GPR33: variants seen among roughly 807,000 people sequenced by gnomAD.
The protein encoded by GPR33 is probable G protein-coupled receptor 33.
Under a neutral mutation model 3.1 loss-of-function variants are expected in GPR33, and 4 were observed. The ratio of observed to expected loss-of-function variants is 1.29; its 90% CI spans 0.64 to 2.96. The LOEUF is 2.96. Ranked by LOEUF, GPR33 falls within the 30% of genes most tolerant of loss-of-function variation. GPR33 has a pLI of 0.01. For missense variants in GPR33, 390 were observed against 388.9 expected, an observed-to-expected ratio of 1.00 and a Z score of -0.02; for synonymous variants, 138 against 142.0, an observed-to-expected ratio of 0.97 and a Z score of 0.20.
rs958180564 is a variant in GPR33 at position 31,487,447 on chromosome 14, T to G, written c.-7+450A>C. Among the ~76,000 whole-genome samples the G allele has an allele frequency of 5.8e-5, 8 of 138,688 alleles. 1 individual carries two copies. The highest frequency in any genetic ancestry group is 4.3e-4 in the Admixed American group (6 of 13,908). 91.0% of individuals were successfully genotyped at this position (138,688 alleles called of 152,430 possible). On this transcript the variant is annotated intron_variant, in intron 1 of 1. Transcript: ENST00000399285. ...AAGCCCCTCAGTTTTTTTTTTTTTTTTTTTTTTTTTCAGATGGAGTCTTGC... is the reference window on the plus strand; with the variant it reads ...AAGCCCCTCAGTTTTTTTTTTTTTTGTTTTTTTTTTCAGATGGAGTCTTGC...
intron 1 of GPR33, among the ~76,000 whole-genome samples, chr14:31,485,805 C>A (rs2032413764): frequency 6.6e-6 from 1 of 152,108 alleles, no homozygotes; most frequent in Non-Finnish European, 1.5e-5. Flanking sequence ...TATATTACTT[C>A]TTTGAAACTC....
intron 1 of GPR33, among the ~76,000 whole-genome samples, chr14:31,487,462 T>TTTTTAC (rs2032433074): frequency 7.8e-6 from 1 of 128,034 alleles, no homozygotes; most frequent in East Asian, 2.2e-4. Flanking sequence ...TTTTTTCAGA[T>TTTTTAC]GGAGTCTTGC....
intron 1 of GPR33, among the ~76,000 whole-genome samples, chr14:31,486,125 G>T (rs895544430): frequency 9.2e-5 from 14 of 152,100 alleles, no homozygotes; most frequent in Admixed American, 6.5e-4. Flanking sequence ...TAGAGACAGG[G>T]TCTCTCTCTG....
chr14:31,486,883 T>A (rs1177215183), intron 1 of GPR33, among the ~76,000 whole-genome samples: 6 of 152,194 alleles, frequency 3.9e-5, no homozygotes, highest in African/African-American at 1.4e-4. Flanking sequence ...CTGTGGTGTT[T>A]TTATCCATGG....
In GPR33 at chr14:31,483,735, T is replaced by A. The variant is rs988980366; in HGVS notation, c.231A>T (p.Ser77=). Reference sequence around the variant, plus strand: ...TGGCCATAAATGGCAGAATCATTGTTGAAATAAAATAAGAGAGAATGAGAT... The same window carrying A: ...TGGCCATAAATGGCAGAATCATTGTAGAAATAAAATAAGAGAGAATGAGAT... The part of the protein sequence containing the change: ...FFHLILSYFI[S]TMILPFMATS... Residue 77 remains serine, a synonymous_variant, in exon 2 of 2, where the codon TCA becomes TCT. Transcript: ENST00000399285. The A allele has an allele frequency of 3.9e-6, 6 of 1,535,978 alleles. No individual in the cohort carries two copies. In the African/African-American group the frequency reaches 8.2e-5, roughly 21 times the overall value.
chr14:31,484,877 A>C (rs2032400643), intron 1 of GPR33, among the ~76,000 whole-genome samples: 1 of 152,208 alleles, frequency 6.6e-6, no homozygotes, highest in Non-Finnish European at 1.5e-5. Context: ...AAGCCACTGC[A>C]AGATTGTGAA....
intron 1 of GPR33, among the ~76,000 whole-genome samples, chr14:31,486,759 G>A (rs1205546116): frequency 6.6e-6 from 1 of 152,192 alleles, no homozygotes; most frequent in Non-Finnish European, 1.5e-5. Flanking sequence ...TTTAAAAATA[G>A]GAATGTCTAA....
intron 1 of GPR33, among the ~76,000 whole-genome samples, chr14:31,487,437 T>TTG (rs1163260785): frequency 1.1e-4 from 14 of 127,522 alleles, no homozygotes; most frequent in Non-Finnish European, 9.9e-5. Context: ...CCTCAGTTTT[T>TTG]TTTTTTTTTT....
At position 31,483,523 on chromosome 14, in the gene GPR33, A is replaced by G. The variant is rs1327693447; in HGVS notation, c.443T>C (p.Ile148Thr). 11 of 1,536,148 alleles carry G rather than the reference A, an allele frequency of 7.2e-6. No individual in the cohort carries two copies. Among genetic ancestry groups the G allele is most frequent in the Non-Finnish European group, 9.6e-6 (11 of 1,146,912 alleles). Residue 148 changes from isoleucine (I) to threonine (T), a missense_variant, in exon 2 of 2, where the codon ATT becomes ACT. Coordinates refer to ENST00000399285, the MANE Select transcript of GPR33 (RefSeq NM_001197184.3). ...GGCTGAAATCCAGACTCCCAGGACA[A>G]TGCTGGAAGCCCAGCGCGGGGTTCG... The part of the protein sequence containing the change: ...QHRTPRWASS[I>T]VLGVWISAAA...
chr14:31,486,337 G>A (rs2032418907), intron 1 of GPR33, among the ~76,000 whole-genome samples: 1 of 152,084 alleles, frequency 6.6e-6, no homozygotes, highest in Admixed American at 6.6e-5. Context: ...GGCCTAAAGT[G>A]ATCCTCCCAC....
intron 1 of GPR33, among the ~76,000 whole-genome samples, chr14:31,486,211 G>A (rs568600538): frequency 6.6e-6 from 1 of 152,018 alleles, no homozygotes; most frequent in African/African-American, 2.4e-5. Context: ...CAATCCTCCC[G>A]CCTCAGCCTC....
chr14:31,485,228 G>A (rs1185275299), intron 1 of GPR33, among the ~76,000 whole-genome samples: 10 of 152,030 alleles, frequency 6.6e-5, no homozygotes, highest in South Asian at 6.2e-4. Context: ...GAGCCACTGC[G>A]CCTGGCCAAA....
rs920806608 is a variant in GPR33, at chr14:31,483,479, A to G, written c.487T>C (p.Tyr163His). 4 of 1,536,158 alleles carry G rather than the reference A, an allele frequency of 2.6e-6. No individual in the cohort carries two copies. The highest frequency in any genetic ancestry group is 8.7e-7 in the Non-Finnish European group (1 of 1,146,898). ...TGATGTGTCTCTCTGAAAATCAAATAGGGGATGCTGAGGGCAGCGGCTGAA... is the reference window on the plus strand; with the variant it reads ...TGATGTGTCTCTCTGAAAATCAAATGGGGGATGCTGAGGGCAGCGGCTGAA... Reference protein sequence around the residue: ...WISAAALSIPYLIFRETHHDR... With the variant: ...WISAAALSIPHLIFRETHHDR... The change falls in exon 2 of 2, where the codon TAT (tyrosine) becomes CAT (histidine). Residue 163 changes from tyrosine to histidine, a missense_variant. Tyr to His is a moderately conservative substitution (Grantham distance 83). Coordinates refer to ENST00000399285, the MANE Select transcript of GPR33 (RefSeq NM_001197184.3).
Position 31,485,092 on chromosome 14 carries a change from C to T in GPR33, c.-6-1121G>A, listed in dbSNP as rs187089631. 7.2e-5 allele frequency among the ~76,000 whole-genome samples: 11 copies of T among 151,994 alleles called. No individual in the cohort carries two copies. In the East Asian group the frequency reaches 7.9e-4, roughly 11 times the overall value. ...CTGGGATTACAGACACTTGCCACCA[C>T]GCCCGGTGAATTTTTGTATTTTTGG... On this transcript the variant is annotated intron_variant, in intron 1 of 1. Coordinates refer to ENST00000399285, the MANE Select transcript of GPR33 (RefSeq NM_001197184.3).
At chr14:31,485,828 G>A (rs1177885348) in intron 1 of GPR33, among the ~76,000 whole-genome samples, 1 of 152,010 alleles carries the variant, frequency 6.6e-6, no homozygotes, top group Non-Finnish European at 1.5e-5. Flanking sequence ...TAATTCATAT[G>A]TAGTGTTTTT....
At chr14:31,486,259 G>A (rs1028424974) in intron 1 of GPR33, among the ~76,000 whole-genome samples, 1 of 151,970 alleles carries the variant, frequency 6.6e-6, no homozygotes, top group Non-Finnish European at 1.5e-5. Flanking sequence ...CACCACATTT[G>A]GCTAATTTTA....
intron 1 of GPR33, among the ~76,000 whole-genome samples, chr14:31,484,940 T>C (rs2032401711): frequency 6.9e-6 from 1 of 144,400 alleles, no homozygotes; most frequent in South Asian, 2.2e-4. Context: ...GATGTAGTAA[T>C]TTTTTTTTTT....
intron 1 of GPR33, among the ~76,000 whole-genome samples, chr14:31,487,096 A>AT (rs981375811): frequency 1.2e-4 from 18 of 151,700 alleles, no homozygotes; most frequent in Admixed American, 2.0e-4. Flanking sequence ...TATGGGAAAG[A>AT]TTTTTTTTTA....
chr14:31,484,178 A>G (rs2032393712), intron 1 of GPR33, among the ~76,000 whole-genome samples: 1 of 152,228 alleles, frequency 6.6e-6, no homozygotes, highest in Non-Finnish European at 1.5e-5. Flanking sequence ...AGATCAGATG[A>G]ATCTGAGCAT....
Sources: gnomAD v4.1 joint callset for allele counts (sites outside exome capture counted in the v4.1 genomes callset) on GRCh38, gnomAD v4.1.1 for gene constraint, MANE v1.5 for transcripts, NCBI Gene and HGNC (gene_info 2026-07-23, HGNC 2026-07-21) for gene names.